Variants in EVI5 observed in about 807,000 individuals in gnomAD.
EVI5 encodes the protein ecotropic viral integration site 5 protein homolog.
EVI5 carries 73 observed loss-of-function variants against 112.0 expected under a neutral mutation model. The observed-to-expected ratio is 0.65, with a 90% CI of 0.54 to 0.79. The LOEUF (loss-of-function observed/expected upper bound fraction) is 0.79. EVI5 is among the 30% of genes least tolerant of loss of function. The probability of loss-of-function intolerance (pLI) is 0.00; values close to 1 mark genes in which losing one functional copy is unlikely to be tolerated. For synonymous variants in EVI5, 305 were observed against 319.9 expected (o/e 0.95, Z 0.50); for missense variants, 900 against 968.8 (o/e 0.93, Z 0.94).
intron 9 of EVI5, among the ~76,000 whole-genome samples, chr1:92,679,236 T>C (rs1379475986): frequency 6.6e-6 from 1 of 152,110 alleles, no homozygotes; most frequent in African/African-American, 2.4e-5. Context: ...CCTGAAGCCA[T>C]ACCCCCAGCC....
chr1:92,637,507 T>C (rs1199520460), intron 13 of EVI5, among the ~76,000 whole-genome samples: 5 of 152,130 alleles, frequency 3.3e-5, no homozygotes, highest in Non-Finnish European at 7.4e-5. Context: ...CTATAAAACA[T>C]GAATATTGAT....
chr1:92,758,297 G>A (rs4847311), intron 1 of EVI5, among the ~76,000 whole-genome samples: 105,369 of 152,062 alleles, frequency 0.69, 37,038 homozygotes, highest in East Asian at 0.94. Flanking sequence ...GGCTGGGCGC[G>A]GTGGCTCATA....
chr1:92,630,923 G>C (rs1656909516), intron 14 of EVI5, among the ~76,000 whole-genome samples: 1 of 152,016 alleles, frequency 6.6e-6, no homozygotes, highest in South Asian at 2.1e-4. Flanking sequence ...TATTAAATAG[G>C]GAATCCTTTC....
intron 13 of EVI5, among the ~76,000 whole-genome samples, chr1:92,657,035 G>A (rs191756661): frequency 3.2e-4 from 49 of 152,148 alleles, no homozygotes; most frequent in African/African-American, 1.2e-3. Flanking sequence ...CTCATTCTAT[G>A]AAGCCGGCAT....
At chr1:92,783,983 T>C (rs371230493) in intron 1 of EVI5, among the ~76,000 whole-genome samples, 13 of 152,188 alleles carry the variant, frequency 8.5e-5, no homozygotes, top group South Asian at 8.3e-4. Flanking sequence ...CTGGAATTCA[T>C]TCTTTCGGCA....
intron 13 of EVI5, among the ~76,000 whole-genome samples, chr1:92,637,830 T>C (rs1659194104): frequency 1.1e-5 from 1 of 92,154 alleles, no homozygotes; most frequent in South Asian, 5.9e-4. Flanking sequence ...CTGCCCCAGT[T>C]ACCAAAAAAA....
At chr1:92,596,341 C>T (rs1343441929) in intron 18 of EVI5, among the ~76,000 whole-genome samples, 4 of 152,012 alleles carry the variant, frequency 2.6e-5, no homozygotes, top group African/African-American at 2.4e-5. Context: ...GCTTGGATGA[C>T]GAAGTGAGAC....
At chr1:92,777,426 G>A (rs1684296895) in intron 1 of EVI5, among the ~76,000 whole-genome samples, 1 of 152,114 alleles carries the variant, frequency 6.6e-6, no homozygotes, top group East Asian at 1.9e-4. Flanking sequence ...AATTCCTTTA[G>A]AGAAGGTATC....
chr1:92,597,194 C>A (rs574515436), intron 18 of EVI5, among the ~76,000 whole-genome samples: 22 of 152,210 alleles, frequency 1.4e-4, no homozygotes, highest in African/African-American at 5.1e-4. Context: ...CAGAGACATT[C>A]AGGATTTTAA....
chr1:92,530,558 G>A (rs1200108562), intron 19 of EVI5, among the ~76,000 whole-genome samples: 2 of 152,004 alleles, frequency 1.3e-5, no homozygotes, highest in Non-Finnish European at 2.9e-5. Flanking sequence ...CATCTGGCAG[G>A]TGCCCCTCTG....
intron 1 of EVI5, among the ~76,000 whole-genome samples, chr1:92,780,471 T>C (rs752121743): frequency 3.3e-4 from 51 of 152,326 alleles, no homozygotes; most frequent in Non-Finnish European, 6.9e-4. Context: ...CTCTCAAAGT[T>C]GGAGAGCTTA....
At chr1:92,549,742 GAA>G (rs927789310) in intron 19 of EVI5, among the ~76,000 whole-genome samples, 1 of 152,128 alleles carries the variant, frequency 6.6e-6, no homozygotes, top group African/African-American at 2.4e-5. Context: ...ACAGACACAT[GAA>G]AAAATGCTCA....
intron 19 of EVI5, among the ~76,000 whole-genome samples, chr1:92,539,556 A>C (rs1664458439): frequency 3.6e-5 from 2 of 54,894 alleles, no homozygotes; most frequent in South Asian, 2.3e-3. Flanking sequence ...AAAAAAAAAA[A>C]AAAAAAAAAA....
At chr1:92,666,696 TAAAG>T (rs1350668201) in intron 10 of EVI5, among the ~76,000 whole-genome samples, 8 of 150,788 alleles carry the variant, frequency 5.3e-5, no homozygotes, top group South Asian at 2.1e-4. Context: ...AGGAAAGGGA[TAAAG>T]AAAGAGAAAT....
intron 14 of EVI5, among the ~76,000 whole-genome samples, chr1:92,632,139 C>T (rs913208242): frequency 6.6e-6 from 1 of 152,098 alleles, no homozygotes; most frequent in South Asian, 2.1e-4. Context: ...GTCTAAAATT[C>T]TCTTTTTTTC....
At chr1:92,539,260 C>A (rs72964704) in intron 19 of EVI5, among the ~76,000 whole-genome samples, 1 of 152,026 alleles carries the variant, frequency 6.6e-6, no homozygotes, top group Admixed American at 6.5e-5. Flanking sequence ...ATCTTGAACC[C>A]GGCCGGGCGC....
At chr1:92,530,424 C>T (rs549049683) in intron 19 of EVI5, among the ~76,000 whole-genome samples, 3 of 152,190 alleles carry the variant, frequency 2.0e-5, no homozygotes, top group East Asian at 3.9e-4. Context: ...CCCAACACAG[C>T]GTTCGAGCTC....
chr1:92,746,019 G>A (rs1679200997), intron 1 of EVI5, among the ~76,000 whole-genome samples: 1 of 152,186 alleles, frequency 6.6e-6, no homozygotes, highest in African/African-American at 2.4e-5. Flanking sequence ...TAAGTTGGGT[G>A]TACAGTATAC....
intron 18 of EVI5, among the ~76,000 whole-genome samples, chr1:92,570,316 C>A (rs577276321): frequency 6.7e-6 from 1 of 150,326 alleles, no homozygotes; most frequent in Non-Finnish European, 1.5e-5. Context: ...TTTTTTTTGG[C>A]GGGAGCGAGG....
Sources: allele counts gnomAD v4.1 joint callset (sites outside exome capture counted in the v4.1 genomes callset), GRCh38; gene constraint gnomAD v4.1.1; transcripts MANE v1.5; gene names NCBI Gene and HGNC (gene_info 2026-07-23, HGNC 2026-07-21).